LCORL: variants seen among roughly 807,000 people sequenced by gnomAD.
LCORL encodes the protein ligand dependent nuclear receptor corepressor like, also known as ligand-dependent nuclear receptor corepressor-like protein.
In LCORL, 41 loss-of-function variants were observed where a neutral mutation model predicts 141.8. The observed-to-expected ratio is 0.29, with a 90% CI of 0.23 to 0.38. The LOEUF (loss-of-function observed/expected upper bound fraction) is 0.38. Among genes scored for constraint, LCORL ranks in the 10% least tolerant of loss-of-function variants. The pLI is 1.00. For synonymous variants in LCORL, 618 were observed against 694.1 expected (o/e 0.89, Z 1.72); for missense variants, 1,759 against 2,035.0 (o/e 0.86, Z 2.61).
exon 4 of LCORL, chr4:17,961,921 C>T: frequency 6.2e-7 from 1 of 1,609,498 alleles, no homozygotes; most frequent in East Asian, 2.2e-5. Flanking sequence ...CGAAAGAGTG[C>T]ATTTAGGTAA....
At chr4:17,932,506 C>A (rs1275855908) in intron 4 of LCORL, among the ~76,000 whole-genome samples, 1 of 152,102 alleles carries the variant, frequency 6.6e-6, no homozygotes, top group Non-Finnish European at 1.5e-5. Context: ...AAGTGACACT[C>A]AGTGAATTTT....
chr4:17,917,364 T>C (rs1182864244), intron 4 of LCORL, among the ~76,000 whole-genome samples: 2 of 152,312 alleles, frequency 1.3e-5, no homozygotes, highest in Non-Finnish European at 2.9e-5. Flanking sequence ...GGCTAAGTTT[T>C]GTATTTTTAG....
intron 1 of LCORL, among the ~76,000 whole-genome samples, chr4:18,012,969 C>T (rs879334802): frequency 2.0e-5 from 3 of 152,132 alleles, no homozygotes; most frequent in East Asian, 1.9e-4. Flanking sequence ...AATTAGTTTA[C>T]GACAAATGTT....
intron 2 of LCORL, among the ~76,000 whole-genome samples, chr4:17,972,567 A>T (rs1159475778): frequency 6.6e-6 from 1 of 151,728 alleles, no homozygotes; most frequent in African/African-American, 2.4e-5. Flanking sequence ...TAGAATCAAT[A>T]AAACAACAAA....
chr4:17,927,124 G>T (rs1455002957), intron 4 of LCORL, among the ~76,000 whole-genome samples: 3 of 152,196 alleles, frequency 2.0e-5, no homozygotes, highest in Non-Finnish European at 4.4e-5. Context: ...TGCAGCTTCC[G>T]TATCAGCACT....
At chr4:17,845,733 G>C (rs527647162) in exon 8 of LCORL, 1 of 1,605,908 alleles carries the variant, frequency 6.2e-7, no homozygotes, top group Non-Finnish European at 8.5e-7. Flanking sequence ...ATTTCTCTTC[G>C]CTTTTGAGAT....
At chr4:17,901,436 T>C (rs1730864796) in intron 5 of LCORL, among the ~76,000 whole-genome samples, 1 of 151,032 alleles carries the variant, frequency 6.6e-6, no homozygotes. Context: ...TAAACCCTTA[T>C]TTAAGGAATG....
At chr4:17,893,520 A>G (rs1300363981) in intron 5 of LCORL, 1 of 985,250 alleles carries the variant, frequency 1.0e-6, no homozygotes, top group Non-Finnish European at 1.2e-6. Flanking sequence ...TGTTTTGTGC[A>G]CAGGTAGATA....
intron 1 of LCORL, among the ~76,000 whole-genome samples, chr4:18,015,237 C>A (rs1278518855): frequency 2.0e-5 from 3 of 152,154 alleles, no homozygotes. Context: ...CACAGCCAAT[C>A]AGGAAGCAGC....
intron 7 of LCORL, 25 bp downstream of exon 7, chr4:17,873,363 T>G (rs1228025632): frequency 8.1e-7 from 1 of 1,228,000 alleles, no homozygotes; most frequent in African/African-American, 1.6e-5. Context: ...AATGAAACTT[T>G]AAAATTAAGT....
chr4:17,914,224 C>CT (rs1190270363), intron 4 of LCORL, among the ~76,000 whole-genome samples: 1 of 152,102 alleles, frequency 6.6e-6, no homozygotes, highest in African/African-American at 2.4e-5. Flanking sequence ...TCTTCTTCAC[C>CT]TTTTTTCAAA....
intron 2 of LCORL, among the ~76,000 whole-genome samples, chr4:17,964,168 A>G (rs1481094616): frequency 6.6e-6 from 1 of 152,126 alleles, no homozygotes; most frequent in African/African-American, 2.4e-5. Context: ...CTTATTACTA[A>G]TATCTACATA....
intron 1 of LCORL, among the ~76,000 whole-genome samples, chr4:18,002,500 C>A (rs935282416): frequency 2.6e-5 from 4 of 151,880 alleles, no homozygotes; most frequent in African/African-American, 9.7e-5. Flanking sequence ...AAGCTAAAAG[C>A]AACAGTAAGA....
At chr4:17,860,987 T>A (rs1335867849) in intron 7 of LCORL, among the ~76,000 whole-genome samples, 1 of 152,206 alleles carries the variant, frequency 6.6e-6, no homozygotes, top group Non-Finnish European at 1.5e-5. Context: ...ATAGCCCCCC[T>A]ACCCTGGCTG....
chr4:18,004,669 A>G (rs1722500969), intron 1 of LCORL, among the ~76,000 whole-genome samples: 1 of 152,184 alleles, frequency 6.6e-6, no homozygotes, highest in East Asian at 1.9e-4. Context: ...CTCACATTTC[A>G]AAACCAGTCA....
chr4:17,991,051 T>C (rs549714510), intron 1 of LCORL, among the ~76,000 whole-genome samples: 2 of 152,300 alleles, frequency 1.3e-5, no homozygotes, highest in African/African-American at 4.8e-5. Flanking sequence ...GTCACATGAA[T>C]ATAACATTTT....
chr4:17,925,424 A>T (rs907212419), intron 4 of LCORL, among the ~76,000 whole-genome samples: 1 of 152,182 alleles, frequency 6.6e-6, no homozygotes, highest in African/African-American at 2.4e-5. Flanking sequence ...AGGTCACTCC[A>T]TCGGGTAAAA....
At chr4:17,964,864 C>T (rs62410182) in intron 2 of LCORL, among the ~76,000 whole-genome samples, 12 of 91,442 alleles carry the variant, frequency 1.3e-4, no homozygotes, top group Non-Finnish European at 2.3e-4. Context: ...AATCTTACTG[C>T]CCTTTTTTTT....
At chr4:17,872,256 A>G (rs1726435951) in intron 7 of LCORL, among the ~76,000 whole-genome samples, 2 of 152,032 alleles carry the variant, frequency 1.3e-5, no homozygotes, top group Admixed American at 1.3e-4. Flanking sequence ...CAATAAGAAG[A>G]GCTGGAAATG....
Sources: allele counts gnomAD v4.1 joint callset (sites outside exome capture counted in the v4.1 genomes callset), GRCh38; gene constraint gnomAD v4.1.1; transcripts MANE v1.5; gene names NCBI Gene and HGNC (gene_info 2026-07-23, HGNC 2026-07-21).